The following GMDS variants were observed in gnomAD, a reference collection of about 807,000 sequenced individuals.
The protein encoded by GMDS is GDP-mannose 4,6 dehydratase.
A neutral mutation model predicts 49.9 loss-of-function variants in GMDS; 20 were observed. The observed-to-expected ratio is 0.40, with a 90% CI of 0.28 to 0.58. GMDS has a LOEUF of 0.58. GMDS is among the 20% of genes least tolerant of loss of function. GMDS has a pLI of 0.42. For synonymous variants in GMDS, 177 were observed against 178.6 expected, an observed-to-expected ratio of 0.99 and a Z score of 0.07; for missense variants, 362 against 481.4, an observed-to-expected ratio of 0.75 and a Z score of 2.32.
At chr6:1,775,874 T>TA (rs1433311476) in intron 7 of GMDS, among the ~76,000 whole-genome samples, 1 of 152,204 alleles carries the variant, frequency 6.6e-6, no homozygotes, top group Non-Finnish European at 1.5e-5. Flanking sequence ...CTAAATTCTC[T>TA]AAAATGAACA....
At chr6:1,790,417 G>C (rs1769490711) in intron 7 of GMDS, among the ~76,000 whole-genome samples, 1 of 152,190 alleles carries the variant, frequency 6.6e-6, no homozygotes, top group Admixed American at 6.5e-5. Context: ...GAAATGTAGA[G>C]AGGCTGAGTA....
chr6:1,824,752 A>C (rs1771038683), intron 7 of GMDS, among the ~76,000 whole-genome samples: 1 of 152,204 alleles, frequency 6.6e-6, no homozygotes. Flanking sequence ...GATTAAATGA[A>C]ATATAATGCC....
At chr6:2,240,821 A>G (rs1781584119) in intron 1 of GMDS, among the ~76,000 whole-genome samples, 4 of 152,230 alleles carry the variant, frequency 2.6e-5, no homozygotes, top group Admixed American at 2.0e-4. Context: ...ATGGTAATTC[A>G]GTCTGTTGCA....
At chr6:2,194,040 A>T (rs557362503) in intron 1 of GMDS, among the ~76,000 whole-genome samples, 3,173 of 141,704 alleles carry the variant, frequency 0.022, 35 homozygotes, top group Non-Finnish European at 0.031. Context: ...ATTTTTTTTT[A>T]AAAAAAAAGA....
At chr6:2,227,824 G>C (rs1184088733) in intron 1 of GMDS, among the ~76,000 whole-genome samples, 1 of 152,226 alleles carries the variant, frequency 6.6e-6, no homozygotes, top group African/African-American at 2.4e-5. Context: ...TGTAAGTGCA[G>C]CTGCCCAGGA....
At chr6:1,995,497 G>A in intron 4 of GMDS, among the ~76,000 whole-genome samples, 1 of 130,168 alleles carries the variant, frequency 7.7e-6, no homozygotes, top group South Asian at 2.5e-4. Flanking sequence ...TGTTGTCTCA[G>A]AGAGAACATC....
chr6:1,821,978 C>T (rs181843456), intron 7 of GMDS, among the ~76,000 whole-genome samples: 55 of 152,070 alleles, frequency 3.6e-4, no homozygotes, highest in African/African-American at 1.1e-3. Context: ...TTGATCAAGA[C>T]GCTAAAATTA....
intron 4 of GMDS, among the ~76,000 whole-genome samples, chr6:2,056,441 A>T (rs757735563): frequency 6.6e-6 from 1 of 152,204 alleles, no homozygotes; most frequent in Non-Finnish European, 1.5e-5. Context: ...CCAATACCAT[A>T]AGCCTCAAAT....
intron 1 of GMDS, among the ~76,000 whole-genome samples, chr6:2,224,697 A>T (rs2127591732): frequency 6.6e-6 from 1 of 152,374 alleles, no homozygotes; most frequent in African/African-American, 2.4e-5. Context: ...TCATAAAAAC[A>T]TGTTTATTTG....
chr6:2,155,460 G>A (rs1562104023), intron 1 of GMDS, among the ~76,000 whole-genome samples: 2 of 151,994 alleles, frequency 1.3e-5, no homozygotes, highest in African/African-American at 4.8e-5. Context: ...TGTGACCAAA[G>A]GCCCAAAATT....
chr6:1,739,803 C>T (rs1767190747), intron 8 of GMDS, among the ~76,000 whole-genome samples: 1 of 152,232 alleles, frequency 6.6e-6, no homozygotes, highest in African/African-American at 2.4e-5. Flanking sequence ...CAGAGGGGCC[C>T]TGAAGGAGCA....
intron 9 of GMDS, among the ~76,000 whole-genome samples, chr6:1,670,360 GT>G (rs1223741664): frequency 1.4e-5 from 2 of 146,414 alleles, no homozygotes; most frequent in African/African-American, 2.5e-5. Flanking sequence ...GTGTTTCTGG[GT>G]TTTTTTTGGT....
chr6:1,821,851 G>A (rs989901349), intron 7 of GMDS, among the ~76,000 whole-genome samples: 1 of 152,090 alleles, frequency 6.6e-6, no homozygotes, highest in Non-Finnish European at 1.5e-5. Flanking sequence ...CTTGCGGCGG[G>A]GGAGGGGACG....
chr6:1,673,059 G>A (rs559772868), intron 9 of GMDS, among the ~76,000 whole-genome samples: 9 of 152,324 alleles, frequency 5.9e-5, no homozygotes, highest in South Asian at 4.1e-4. Context: ...AGCTGGCAGC[G>A]GATCCAGCAG....
intron 9 of GMDS, among the ~76,000 whole-genome samples, chr6:1,716,172 G>A (rs1004319091): frequency 6.6e-6 from 1 of 152,196 alleles, no homozygotes; most frequent in Non-Finnish European, 1.5e-5. Context: ...AACATCTTTA[G>A]ATTGGTTTTC....
intron 1 of GMDS, among the ~76,000 whole-genome samples, chr6:2,227,229 T>A (rs548356802): frequency 2.0e-5 from 3 of 152,224 alleles, no homozygotes; most frequent in African/African-American, 7.2e-5. Flanking sequence ...ATAAAATGTT[T>A]CAAGTCACTA....
chr6:2,100,488 A>T (rs1023084722), intron 4 of GMDS, among the ~76,000 whole-genome samples: 2 of 152,082 alleles, frequency 1.3e-5, no homozygotes, highest in Admixed American at 1.3e-4. Flanking sequence ...TATGCAACCA[A>T]CTATTTTATT....
At chr6:1,962,405 ATATACC>A (rs1764004081) in intron 4 of GMDS, among the ~76,000 whole-genome samples, 1 of 152,182 alleles carries the variant, frequency 6.6e-6, no homozygotes, top group Non-Finnish European at 1.5e-5. Flanking sequence ...TTGGTTGAGT[ATATACC>A]TAGGAATGTA....
At chr6:2,061,123 T>A (rs1041483251) in intron 4 of GMDS, among the ~76,000 whole-genome samples, 1 of 152,094 alleles carries the variant, frequency 6.6e-6, no homozygotes, top group Admixed American at 6.5e-5. Flanking sequence ...TGCTGTGTCC[T>A]GGGTCTGCAA....
Sources: gnomAD v4.1 joint callset for allele counts (sites outside exome capture counted in the v4.1 genomes callset) on GRCh38, gnomAD v4.1.1 for gene constraint, MANE v1.5 for transcripts, NCBI Gene and HGNC (gene_info 2026-07-23, HGNC 2026-07-21) for gene names.